The following ZNF701 variants were observed in gnomAD, a reference collection of about 807,000 sequenced individuals.
ZNF701 encodes zinc finger protein 701.
In ZNF701, 6 loss-of-function variants were observed where a neutral mutation model predicts 7.1. The observed-to-expected ratio is 0.84, with a 90% CI of 0.46 to 1.66. The LOEUF (loss-of-function observed/expected upper bound fraction) is 1.66. Among genes scored for constraint, ZNF701 ranks in the 40% most tolerant of loss-of-function variants. The probability of loss-of-function intolerance (pLI) is 0.01; values close to 1 mark genes in which losing one functional copy is unlikely to be tolerated. For missense variants in ZNF701, 541 were observed against 559.2 expected (o/e 0.97, Z 0.33); for synonymous variants, 166 against 188.2 (o/e 0.88, Z 0.97).
rs1219075147 is a variant in ZNF701 at position 52,585,955 on chromosome 19, T to C, written c.*2498T>C. On this transcript the variant is annotated 3_prime_UTR_variant, in exon 4 of 4. Coordinates refer to ENST00000391785, the MANE Select transcript of ZNF701 (RefSeq NM_018260.3). Reference sequence around the variant, plus strand: ...GGGTGGGAAGATGGGGTTTTTCCTTTTAGTCTAGTTTTGGAAAGTTCGCGT... The same window carrying C: ...GGGTGGGAAGATGGGGTTTTTCCTTCTAGTCTAGTTTTGGAAAGTTCGCGT... The C allele has an allele frequency of 6.6e-6, 1 of 152,224 alleles. No individual in the cohort carries two copies. Among genetic ancestry groups the C allele is most frequent in the Non-Finnish European group, 1.5e-5 (1 of 68,096 alleles). 9.4% of individuals were successfully genotyped at this position (152,224 alleles called of 1,614,324 possible). A position where few individuals can be genotyped will look rare whatever the true frequency, so the allele number is the denominator to read the frequency against.
At chr19:52,573,279 G>A (rs2059912006) in intron 1 of ZNF701, 1 of 152,916 alleles carries the variant, frequency 6.5e-6, no homozygotes, top group African/African-American at 2.4e-5. Flanking sequence ...TTACTCTGTT[G>A]CCCTGGCTGG....
intron 1 of ZNF701, among the ~76,000 whole-genome samples, chr19:52,571,254 G>A (rs1026422961): frequency 2.1e-4 from 32 of 149,072 alleles, no homozygotes; most frequent in Admixed American, 1.4e-3. Context: ...GAGAGAGAGA[G>A]GAGGAATTTG....
At chr19:52,591,933 G>A (rs530341323), downstream of ZNF701, 12 of 389,054 alleles carry the variant, frequency 3.1e-5, no homozygotes, top group East Asian at 1.9e-4. Flanking sequence ...AAGGAAAAGT[G>A]CAATAAAATG....
rs1050074957 is a variant in ZNF701, at chr19:52,586,038, T to G, written c.*2581T>G. ...CCAGGACCCATGTGGTTTTTTTTGT[T>G]TTTGTTTTTGTTTTTTTGATGGAGA... On this transcript the variant is annotated 3_prime_UTR_variant, in exon 4 of 4. Transcript: ENST00000391785. 6 of 152,228 alleles carry G rather than the reference T, an allele frequency of 3.9e-5. No individual in the cohort carries two copies. The highest frequency in any genetic ancestry group is 1.2e-4 in the African/African-American group (5 of 41,324). 9.4% of individuals were successfully genotyped at this position (152,228 alleles called of 1,614,324 possible). A position where few individuals can be genotyped will look rare whatever the true frequency, so the allele number is the denominator to read the frequency against.
chr19:52,589,478 C>CTT (rs11414668), downstream of ZNF701, among the ~76,000 whole-genome samples: 15,717 of 138,496 alleles, frequency 0.11, 1,135 homozygotes, highest in Non-Finnish European at 0.14. Context: ...CACATGCCTG[C>CTT]TTTTTTTTTT....
rs1313552442 is a variant in ZNF701, at chr19:52,586,766, C to G, written c.*3309C>G. 1.3e-5 allele frequency: 2 copies of G among 152,186 alleles called. No individual in the cohort carries two copies. Among genetic ancestry groups the G allele is most frequent in the African/African-American group, 2.4e-5 (1 of 41,436 alleles). 9.4% of individuals were successfully genotyped at this position (152,186 alleles called of 1,614,324 possible). The stretch of plus-strand genomic sequence containing the variant: ...AGCTCAGTCAGAGTGACACTGACCC[C>G]TGAAATGATGGGCACAATGGAGTGT... On this transcript the variant is annotated 3_prime_UTR_variant, in exon 4 of 4. Transcript: ENST00000391785.
At chr19:52,571,607 G>A (rs1055091424) in intron 1 of ZNF701, among the ~76,000 whole-genome samples, 5 of 151,820 alleles carry the variant, frequency 3.3e-5, no homozygotes, top group African/African-American at 7.2e-5. Context: ...TGATCCACCC[G>A]CCTCGACCTC....
At position 52,583,098 on chromosome 19, in the gene ZNF701, A is replaced by G. The variant is rs758017485; in HGVS notation, c.1039A>G (p.Ile347Val). ...RKSHLERHRR[I>V]HTGEKPYKCK... The stretch of plus-strand genomic sequence containing the variant: ...ATCACACCTTGAAAGACATAGGAGA[A>G]TTCACACTGGAGAGAAACCATACAA... The change falls in exon 4 of 4, where the codon ATT becomes GTT. Residue 347 changes from isoleucine to valine, a missense_variant. Transcript: ENST00000391785. The G allele has an allele frequency of 4.8e-5, 78 of 1,613,664 alleles. No homozygotes were observed. Among genetic ancestry groups the G allele is most frequent in the Non-Finnish European group, 6.4e-5 (76 of 1,179,830 alleles).
the ZNF701 span, among the ~76,000 whole-genome samples, chr19:52,592,511 A>G: frequency 6.6e-6 from 1 of 152,204 alleles, no homozygotes; most frequent in Non-Finnish European, 1.5e-5. Context: ...CCTGAGCGGA[A>G]TTGTCACCAT....
rs754051815 is a variant in ZNF701 at position 52,574,093 on chromosome 19, C to T, written c.-55C>T. On this transcript the variant is annotated 5_prime_UTR_variant, in exon 2 of 4. Coordinates refer to ENST00000391785, the MANE Select transcript of ZNF701 (RefSeq NM_018260.3). ...AACATTCAGGATTGACTTCTAAAGA[C>T]TTGGTACGTGAGGAAAAAACACGGA... 1 of 1,612,088 alleles carries T rather than the reference C, an allele frequency of 6.2e-7. No homozygotes were observed. Among genetic ancestry groups the T allele is most frequent in the Non-Finnish European group, 8.5e-7 (1 of 1,179,324 alleles).
chr19:52,593,407 G>T, the ZNF701 span, among the ~76,000 whole-genome samples: 1 of 110,906 alleles, frequency 9.0e-6, no homozygotes. Context: ...CCTGGCGGGG[G>T]GCTGACCCCC....
intron 3 of ZNF701, among the ~76,000 whole-genome samples, chr19:52,578,856 C>T (rs1262367655): frequency 6.6e-6 from 1 of 152,110 alleles, no homozygotes; most frequent in Non-Finnish European, 1.5e-5. Context: ...CTCCCGGGTT[C>T]ACGCCATTCT....
chr19:52,575,948 A>G lies in ZNF701; in HGVS notation c.69A>G (p.Lys23=), dbSNP rs755808715. 4.8e-5 allele frequency: 75 copies of G among 1,570,930 alleles called. No individual in the cohort carries two copies. In the East Asian group the frequency reaches 1.1e-3, roughly 22 times the overall value. ...TAGAATTCTCTCAGGAGGAGTGGAA[A>G]TGCCTGGACCCTGCTCAGAGGACTC... ...VAIEFSQEEW[K]CLDPAQRTLY... Residue 23 remains lysine (K), a synonymous_variant, in exon 3 of 4, where the codon AAA becomes AAG. Transcript: ENST00000391785.
At chr19:52,597,729 G>A in the ZNF701 span, 266 of 224,724 alleles carry the variant, frequency 1.2e-3, 1 homozygote, top group African/African-American at 5.6e-3. Context: ...TGAGGAGGCT[G>A]CCTGGAGGCC....
At chr19:52,580,832 C>T (rs1337780554) in intron 3 of ZNF701, among the ~76,000 whole-genome samples, 4 of 152,070 alleles carry the variant, frequency 2.6e-5, no homozygotes, top group Admixed American at 2.6e-4. Flanking sequence ...TCGTTACTGT[C>T]ACAAAGTGCT....
In ZNF701 at chr19:52,585,195, C is replaced by T. The variant is rs1186229007; in HGVS notation, c.*1738C>T. ...CACCTCCTGTAGCGAAACTTTCCTTCTCAAAACCCTTCCCGACCCGTCCTC... is the reference window on the plus strand; with the variant it reads ...CACCTCCTGTAGCGAAACTTTCCTTTTCAAAACCCTTCCCGACCCGTCCTC... On this transcript the variant is annotated 3_prime_UTR_variant, in exon 4 of 4. Coordinates refer to ENST00000391785, the MANE Select transcript of ZNF701 (RefSeq NM_018260.3). 6.6e-6 allele frequency: 1 copy of T among 152,404 alleles called. No homozygotes were observed. Among genetic ancestry groups the T allele is most frequent in the Non-Finnish European group, 1.5e-5 (1 of 68,198 alleles). The allele number at this position is 152,404 out of a possible 1,614,324, so 9.4% of individuals were successfully genotyped here.
In ZNF701 at chr19:52,575,653, C is replaced by G. The variant is rs573808548; in HGVS notation, c.16-242C>G. The G allele has an allele frequency of 3.3e-3, 1,196 of 359,042 alleles. 6 individuals are homozygous for G. Among genetic ancestry groups the G allele is most frequent in the African/African-American group, 0.015 (637 of 43,674 alleles). 22.2% of individuals were successfully genotyped at this position (359,042 alleles called of 1,614,324 possible). A position where few individuals can be genotyped will look rare whatever the true frequency, so the allele number is the denominator to read the frequency against. On this transcript the variant is annotated intron_variant, in intron 2 of 3. Coordinates refer to ENST00000391785, the MANE Select transcript of ZNF701 (RefSeq NM_018260.3). ...TAGTTGGGACAACAGATGCCTGCCA[C>G]CATACCCGGCTAATTATTTATTTCT...
rs3837922 is a variant in ZNF701, at chr19:52,571,233, T to TGAGAGA, written c.-72+919_-72+924dup. On this transcript the variant is annotated intron_variant, in intron 1 of 3. Transcript: ENST00000391785. The stretch of plus-strand genomic sequence containing the variant: ...CAGCAAAGAGGGAGGCTCATCAGAG[T>TGAGAGA]GAGAGAGAGAGAGAGAGAGAGGAGG... Among the ~76,000 whole-genome samples, 991 of 142,114 alleles carry TGAGAGA rather than the reference T, an allele frequency of 7.0e-3. 14 individuals carry two copies. The highest frequency in any genetic ancestry group is 0.025 in the African/African-American group (944 of 38,372). 93.2% of individuals were successfully genotyped at this position (142,114 alleles called of 152,430 possible).
In ZNF701 at chr19:52,578,781, G is replaced by A. The variant is rs529425264; in HGVS notation, c.142+2760G>A. Among the ~76,000 whole-genome samples, 5 of 152,238 alleles carry A rather than the reference G, an allele frequency of 3.3e-5. No homozygotes were observed. The South Asian group carries it at 1.0e-3, about 32-fold the overall frequency. ...CCATTTCTTTTATTTTTGTTGAAAC[G>A]GAGTCTTGCTCTGTCGCCCAGGCTG... On this transcript the variant is annotated intron_variant, in intron 3 of 3. Transcript: ENST00000391785.
Sources: gnomAD v4.1 joint callset for allele counts (sites outside exome capture counted in the v4.1 genomes callset) on GRCh38, gnomAD v4.1.1 for gene constraint, MANE v1.5 for transcripts, NCBI Gene and HGNC (gene_info 2026-07-23, HGNC 2026-07-21) for gene names.